TASP1: variants seen among roughly 807,000 people sequenced by gnomAD.
TASP1 encodes taspase 1, also known as threonine aspartase 1.
Under a neutral mutation model 56.6 loss-of-function variants are expected in TASP1, and 16 were observed. That is an observed-to-expected ratio of 0.28 (90% CI 0.19 to 0.43). TASP1 has a LOEUF of 0.43. Ranked by LOEUF, TASP1 falls within the 20% of genes least tolerant of loss-of-function variation. The pLI, the probability that TASP1 is intolerant of heterozygous loss-of-function variation, is 1.00. For missense variants in TASP1, 393 were observed against 511.6 expected (o/e 0.77, Z 2.24); for synonymous variants, 179 against 184.2 (o/e 0.97, Z 0.23).
At chr20:13,167,759 A>T in the TASP1 span, 2 of 152,194 alleles carry the variant, frequency 1.3e-5, no homozygotes, top group East Asian at 3.8e-4. Flanking sequence ...GCTAAAATCC[A>T]TACCCCTAGG....
intron 8 of TASP1, among the ~76,000 whole-genome samples, chr20:13,540,396 T>C (rs2045577991): frequency 6.6e-6 from 1 of 152,206 alleles, no homozygotes; most frequent in Non-Finnish European, 1.5e-5. Context: ...CTTAAGTATT[T>C]ACCAAAGAGA....
chr20:13,223,162 A>ATAAAATAAAAT, the TASP1 span, among the ~76,000 whole-genome samples: 1 of 145,988 alleles, frequency 6.8e-6, no homozygotes, highest in South Asian at 2.2e-4. Context: ...GTCTCAAAAA[A>ATAAAATAAAAT]AAAATAAAAT....
the TASP1 span, among the ~76,000 whole-genome samples, chr20:13,276,365 A>G: frequency 1.3e-5 from 2 of 152,238 alleles, no homozygotes; most frequent in Admixed American, 6.5e-5. Context: ...CCGAGCAAGA[A>G]TCAAGAGTTT....
chr20:13,611,096 T>C (rs1600160760), intron 4 of TASP1, among the ~76,000 whole-genome samples: 1 of 152,208 alleles, frequency 6.6e-6, no homozygotes, highest in Non-Finnish European at 1.5e-5. Context: ...GAAACCTTTC[T>C]GGGCAATCAT....
the TASP1 span, chr20:13,164,442 A>G: frequency 1.4e-5 from 7 of 496,502 alleles, no homozygotes; most frequent in African/African-American, 9.8e-5. Flanking sequence ...ATAAGTCACT[A>G]CATTTTAAAA....
chr20:13,200,571 A>G, the TASP1 span, among the ~76,000 whole-genome samples: 1 of 152,228 alleles, frequency 6.6e-6, no homozygotes, highest in African/African-American at 2.4e-5. Context: ...TGGTTGGAAA[A>G]AGCACTGCCT....
At chr20:13,361,261 A>G in the TASP1 span, among the ~76,000 whole-genome samples, 1,390 of 152,252 alleles carry the variant, frequency 9.1e-3, 21 homozygotes, top group African/African-American at 0.032. Flanking sequence ...GGCCTTCCCT[A>G]TAGGGTCTGA....
At chr20:13,611,540 T>A (rs2048347843) in intron 4 of TASP1, among the ~76,000 whole-genome samples, 1 of 152,218 alleles carries the variant, frequency 6.6e-6, no homozygotes, top group African/African-American at 2.4e-5. Context: ...TCAAAGCTCA[T>A]TCCGGCTTTA....
chr20:13,294,139 G>C, the TASP1 span, among the ~76,000 whole-genome samples: 1 of 152,112 alleles, frequency 6.6e-6, no homozygotes, highest in Non-Finnish European at 1.5e-5. Context: ...CAGATGTTCT[G>C]GGTTTCTAAG....
the TASP1 span, among the ~76,000 whole-genome samples, chr20:13,361,121 C>T: frequency 6.6e-6 from 1 of 152,172 alleles, no homozygotes; most frequent in Admixed American, 6.5e-5. Flanking sequence ...GGCCCCCTCC[C>T]TTCCCTACAC....
chr20:13,525,720 AC>A (rs906979224), intron 10 of TASP1, among the ~76,000 whole-genome samples: 4 of 152,232 alleles, frequency 2.6e-5, no homozygotes, highest in East Asian at 1.9e-4. Context: ...TGACTTGATC[AC>A]CCAACTCTGC....
the TASP1 span, among the ~76,000 whole-genome samples, chr20:13,304,267 C>T: frequency 6.6e-6 from 1 of 152,152 alleles, no homozygotes; most frequent in African/African-American, 2.4e-5. Flanking sequence ...GCTGCATGAG[C>T]ACCCAGTCAG....
In TASP1 at chr20:13,623,461, T is replaced by C. The variant is rs112501607; in HGVS notation, c.267A>G (p.Ala89=). 6.2e-7 allele frequency: 1 copy of C among 1,608,562 alleles called. No individual in the cohort carries two copies. Among genetic ancestry groups the C allele is most frequent in the African/African-American group, 1.3e-5 (1 of 74,828 alleles). The change falls in exon 4 of 14, where the codon GCA becomes GCG. Residue 89 remains alanine, a synonymous_variant. Coordinates refer to ENST00000337743, the MANE Select transcript of TASP1 (RefSeq NM_017714.3). The stretch of plus-strand genomic sequence containing the variant: ...AAAGAAATACCTCAAGTTCCACCAG[T>C]GCTGCAGTGACTGCGTCAGTTGCAA... ...GALATDAVTA[A]LVELEDSPFT...
chr20:13,404,439 C>T (rs2041845248), intron 13 of TASP1, among the ~76,000 whole-genome samples: 1 of 152,156 alleles, frequency 6.6e-6, no homozygotes, highest in African/African-American at 2.4e-5. Flanking sequence ...AAGACCTCAT[C>T]TCTACAAAAC....
At chr20:13,510,721 GCC>G (rs1183976587) in intron 10 of TASP1, among the ~76,000 whole-genome samples, 2 of 152,020 alleles carry the variant, frequency 1.3e-5, no homozygotes, top group Non-Finnish European at 2.9e-5. Context: ...GGGCATTCAG[GCC>G]CTGTTTGACC....
chr20:13,143,660 G>C, the TASP1 span, among the ~76,000 whole-genome samples: 1 of 152,216 alleles, frequency 6.6e-6, no homozygotes, highest in Non-Finnish European at 1.5e-5. Context: ...CCTGAGGCCT[G>C]TTCAGTGCAT....
At chr20:13,232,681 T>C in the TASP1 span, among the ~76,000 whole-genome samples, 1 of 152,226 alleles carries the variant, frequency 6.6e-6, no homozygotes, top group Non-Finnish European at 1.5e-5. Flanking sequence ...CAGTTGTATG[T>C]TTAGCTTATT....
the TASP1 span, among the ~76,000 whole-genome samples, chr20:13,250,380 C>A: frequency 1.3e-5 from 2 of 152,122 alleles, no homozygotes; most frequent in Non-Finnish European, 2.9e-5. Flanking sequence ...GAATTTCACA[C>A]GTACTGAAGA....
chr20:13,519,234 C>G (rs2044647017), intron 10 of TASP1, among the ~76,000 whole-genome samples: 1 of 152,106 alleles, frequency 6.6e-6, no homozygotes, highest in African/African-American at 2.4e-5. Flanking sequence ...GTACTACACT[C>G]ATGACCTGGG....
Sources: allele counts gnomAD v4.1 joint callset (sites outside exome capture counted in the v4.1 genomes callset), GRCh38; gene constraint gnomAD v4.1.1; transcripts MANE v1.5; gene names NCBI Gene and HGNC (gene_info 2026-07-23, HGNC 2026-07-21).